CACNA2D3: variants seen among roughly 807,000 people sequenced by gnomAD.
CACNA2D3 encodes the protein calcium voltage-gated channel auxiliary subunit alpha2delta 3.
In CACNA2D3, 60 loss-of-function variants were observed where a neutral mutation model predicts 160.6. The observed-to-expected ratio is 0.37, with a 90% CI of 0.30 to 0.46. CACNA2D3 has a LOEUF of 0.46. CACNA2D3 is among the 20% of genes least tolerant of loss of function. CACNA2D3 has a pLI of 1.00. For synonymous variants in CACNA2D3, 558 were observed against 492.9 expected, an observed-to-expected ratio of 1.13 and a Z score of -1.75; for missense variants, 1,205 against 1,365.0, an observed-to-expected ratio of 0.88 and a Z score of 1.85.
intron 35 of CACNA2D3, among the ~76,000 whole-genome samples, chr3:55,055,252 G>A (rs893127919): frequency 7.2e-5 from 11 of 151,984 alleles, no homozygotes; most frequent in African/African-American, 2.7e-4. Flanking sequence ...GTGCGATAAG[G>A]TCCAGTTTCA....
chr3:54,768,483 A>G (rs1356874280), intron 13 of CACNA2D3, among the ~76,000 whole-genome samples: 1 of 152,190 alleles, frequency 6.6e-6, no homozygotes, highest in Non-Finnish European at 1.5e-5. Flanking sequence ...ACATACAGAT[A>G]TAGGAAGTTA....
intron 11 of CACNA2D3, among the ~76,000 whole-genome samples, chr3:54,645,550 C>A (rs764934422): frequency 6.6e-6 from 1 of 152,216 alleles, no homozygotes; most frequent in Non-Finnish European, 1.5e-5. Flanking sequence ...CACCACTCTT[C>A]ATTTCCTCTC....
chr3:54,490,857 C>T (rs185491994), intron 4 of CACNA2D3, among the ~76,000 whole-genome samples: 1 of 152,192 alleles, frequency 6.6e-6, no homozygotes, highest in East Asian at 1.9e-4. Context: ...ACCCTTGAGC[C>T]CTGCAGGTGT....
chr3:54,425,625 T>G (rs958864667), intron 4 of CACNA2D3, among the ~76,000 whole-genome samples: 1 of 152,056 alleles, frequency 6.6e-6, no homozygotes, highest in East Asian at 1.9e-4. Context: ...CAAGGCAGAG[T>G]GGGTTCGGGT....
chr3:54,879,140 G>A, intron 19 of CACNA2D3, 51 bp downstream of exon 19: 4 of 1,229,926 alleles, frequency 3.3e-6, no homozygotes, highest in Non-Finnish European at 4.6e-6. Context: ...AAACCACTGT[G>A]AAAAATTAGC....
intron 35 of CACNA2D3, among the ~76,000 whole-genome samples, chr3:55,026,980 C>A (rs77987967): frequency 6.7e-6 from 1 of 150,238 alleles, no homozygotes; most frequent in Non-Finnish European, 1.5e-5. Context: ...CACCGCTAAG[C>A]GCGCATGCAC....
At chr3:54,642,687 C>A (rs574736992) in intron 11 of CACNA2D3, among the ~76,000 whole-genome samples, 1 of 152,248 alleles carries the variant, frequency 6.6e-6, no homozygotes, top group African/African-American at 2.4e-5. Context: ...CTCTATCTCC[C>A]ACTGCTGTTC....
At chr3:55,066,120 G>GGGGCA (rs1254984030) in intron 35 of CACNA2D3, among the ~76,000 whole-genome samples, 48 of 152,234 alleles carry the variant, frequency 3.2e-4, no homozygotes, top group African/African-American at 1.1e-3. Flanking sequence ...GGTGCTTGCT[G>GGGGCA]GGGCAGGGCA....
At chr3:54,696,267 G>A (rs986352153) in intron 11 of CACNA2D3, among the ~76,000 whole-genome samples, 1 of 152,166 alleles carries the variant, frequency 6.6e-6, no homozygotes, top group African/African-American at 2.4e-5. Flanking sequence ...CAGCCTTCAC[G>A]TTTCATCTCA....
chr3:54,329,074 G>T (rs78928886), intron 3 of CACNA2D3, among the ~76,000 whole-genome samples: 13,150 of 152,258 alleles, frequency 0.086, 633 homozygotes, highest in Middle Eastern at 0.14. Flanking sequence ...TGAGCACCCA[G>T]ACTGACCACC....
chr3:54,546,927 A>G (rs535620111), intron 5 of CACNA2D3, among the ~76,000 whole-genome samples: 1 of 152,350 alleles, frequency 6.6e-6, no homozygotes, highest in East Asian at 1.9e-4. Flanking sequence ...GTAGTTTAAT[A>G]GAGTTAAATT....
intron 27 of CACNA2D3, chr3:54,918,439 C>A: frequency 6.4e-7 from 1 of 1,567,264 alleles, no homozygotes; most frequent in South Asian, 1.1e-5. Context: ...AATGACCAAT[C>A]CTATTTGAGA....
At chr3:54,376,403 CTTCCCTTTGGT>C (rs1162745131) in intron 3 of CACNA2D3, among the ~76,000 whole-genome samples, 2 of 152,244 alleles carry the variant, frequency 1.3e-5, no homozygotes, top group African/African-American at 4.8e-5. Flanking sequence ...TATAACCTCT[CTTCCCTTTGGT>C]TTCCCTTTGG....
chr3:54,318,457 G>A (rs373117892), intron 2 of CACNA2D3, among the ~76,000 whole-genome samples: 1 of 152,112 alleles, frequency 6.6e-6, no homozygotes, highest in Non-Finnish European at 1.5e-5. Flanking sequence ...CATCTAATAA[G>A]CAGTGTAGCA....
intron 5 of CACNA2D3, among the ~76,000 whole-genome samples, chr3:54,525,092 A>G (rs1701704931): frequency 6.6e-6 from 1 of 152,138 alleles, no homozygotes; most frequent in South Asian, 2.1e-4. Flanking sequence ...ATGTATATAC[A>G]TATAATGGCA....
At chr3:54,155,745 A>G (rs928774697) in intron 2 of CACNA2D3, among the ~76,000 whole-genome samples, 1 of 152,200 alleles carries the variant, frequency 6.6e-6, no homozygotes, top group African/African-American at 2.4e-5. Context: ...TTCAGTCTGC[A>G]GGAATCCATG....
At chr3:54,625,081 G>A (rs1288061563) in intron 9 of CACNA2D3, among the ~76,000 whole-genome samples, 1 of 152,188 alleles carries the variant, frequency 6.6e-6, no homozygotes, top group Non-Finnish European at 1.5e-5. Context: ...AGAAAAGAGA[G>A]GCACAAAGCT....
At chr3:54,325,158 T>C (rs1329414786) in intron 3 of CACNA2D3, among the ~76,000 whole-genome samples, 1 of 152,134 alleles carries the variant, frequency 6.6e-6, no homozygotes, top group East Asian at 1.9e-4. Flanking sequence ...TCCAGGGAAC[T>C]CTGAGCAGGC....
At chr3:54,424,559 C>T (rs1324552437) in intron 4 of CACNA2D3, among the ~76,000 whole-genome samples, 1 of 152,176 alleles carries the variant, frequency 6.6e-6, no homozygotes, top group Non-Finnish European at 1.5e-5. Context: ...GATGACGAGG[C>T]TTTTATCCTC....
Sources: allele counts gnomAD v4.1 joint callset (sites outside exome capture counted in the v4.1 genomes callset), GRCh38; gene constraint gnomAD v4.1.1; transcripts MANE v1.5; gene names NCBI Gene and HGNC (gene_info 2026-07-23, HGNC 2026-07-21).